Variants in CTNND2 observed in about 807,000 individuals in gnomAD.
CTNND2 encodes the protein catenin delta 2, also known as catenin delta-2.
CTNND2 carries 22 observed loss-of-function variants against 144.4 expected under a neutral mutation model. That is an observed-to-expected ratio of 0.15 (90% CI 0.11 to 0.22). CTNND2 has a LOEUF of 0.22. Among genes scored for constraint, CTNND2 ranks in the 10% least tolerant of loss-of-function variants. The pLI is 1.00. For synonymous variants in CTNND2, 751 were observed against 695.6 expected (o/e 1.08, Z -1.25); for missense variants, 1,353 against 1,618.8 (o/e 0.84, Z 2.82).
At chr5:11,247,490 G>A (rs1047755562) in intron 9 of CTNND2, among the ~76,000 whole-genome samples, 15 of 152,186 alleles carry the variant, frequency 9.9e-5, no homozygotes, top group African/African-American at 3.6e-4. Context: ...CAATTAGAAG[G>A]AACAATTTCA....
chr5:11,603,464 A>G (rs1042485919), intron 2 of CTNND2, among the ~76,000 whole-genome samples: 2 of 152,132 alleles, frequency 1.3e-5, no homozygotes, highest in African/African-American at 4.8e-5. Context: ...CTCTCAAAAC[A>G]TCTTGCCTGT....
intron 18 of CTNND2, among the ~76,000 whole-genome samples, chr5:10,994,383 A>C (rs1579980383): frequency 4.7e-5 from 1 of 21,276 alleles, no homozygotes; most frequent in Non-Finnish European, 9.2e-5. Flanking sequence ...GGGGCCGGGG[A>C]AAGAGGAGGG....
intron 1 of CTNND2, among the ~76,000 whole-genome samples, chr5:11,804,174 G>A (rs570161643): frequency 5.9e-5 from 9 of 152,166 alleles, no homozygotes; most frequent in Admixed American, 3.3e-4. Context: ...TATTAGAATG[G>A]CTAATATCTA....
chr5:11,665,188 T>C (rs955540677), intron 2 of CTNND2, among the ~76,000 whole-genome samples: 2 of 152,196 alleles, frequency 1.3e-5, no homozygotes, highest in African/African-American at 4.8e-5. Flanking sequence ...CAGAGCTTAA[T>C]AGAGAAATTG....
intron 21 of CTNND2, among the ~76,000 whole-genome samples, chr5:10,981,060 A>T (rs1737184957): frequency 6.6e-6 from 1 of 152,094 alleles, no homozygotes; most frequent in Non-Finnish European, 1.5e-5. Flanking sequence ...ATAAAATAAT[A>T]ATAATAATAA....
chr5:11,089,785 G>A (rs566940177), intron 15 of CTNND2, among the ~76,000 whole-genome samples: 1 of 152,278 alleles, frequency 6.6e-6, no homozygotes, highest in South Asian at 2.1e-4. Context: ...CAAGGAGGGC[G>A]GATCACTTGA....
At chr5:11,774,547 T>G (rs559649063) in intron 1 of CTNND2, among the ~76,000 whole-genome samples, 29 of 40,668 alleles carry the variant, frequency 7.1e-4, no homozygotes, top group African/African-American at 1.2e-3. Flanking sequence ...ACTTAAAGTA[T>G]AATAAAAAAA....
chr5:11,404,636 T>TTTTTTTTTTTTTTTTTTTTTTTTG (rs1760937159), intron 5 of CTNND2, among the ~76,000 whole-genome samples: 1 of 139,754 alleles, frequency 7.2e-6, no homozygotes. Flanking sequence ...TTTTTTTTTT[T>TTTTTTTTTTTTTTTTTTTTTTTTG]AGACAAAGTC....
chr5:11,082,817 T>A lies in CTNND2; in HGVS notation c.2667A>T (p.Arg889=). 6.2e-7 allele frequency: 1 copy of A among 1,614,172 alleles called. No individual in the cohort carries two copies. Among genetic ancestry groups the A allele is most frequent in the East Asian group, 2.2e-5 (1 of 44,878 alleles). ...CGAGGATGGGCAGGCCTTTCTCTTT[T>A]CGGACAGCGGCTCGGATATATACTG... ...KWSVYIRAAV[R]KEKGLPILVE... is the part of the protein sequence containing the mutation. Residue 889 remains arginine (R), a synonymous_variant, in exon 16 of 22, where the codon CGA becomes CGT. Coordinates refer to ENST00000304623, the MANE Select transcript of CTNND2 (RefSeq NM_001332.4).
chr5:11,548,133 T>C (rs1389048664), intron 3 of CTNND2, among the ~76,000 whole-genome samples: 1 of 151,964 alleles, frequency 6.6e-6, no homozygotes, highest in African/African-American at 2.4e-5. Context: ...AAAAGCAAGG[T>C]GTAAAGAACA....
chr5:11,726,452 C>T (rs1226179497), intron 2 of CTNND2, among the ~76,000 whole-genome samples: 2 of 152,034 alleles, frequency 1.3e-5, no homozygotes, highest in Non-Finnish European at 2.9e-5. Flanking sequence ...TTTGCAGCTA[C>T]CTCTGTTTGT....
At chr5:11,003,655 T>C (rs1580004463) in intron 18 of CTNND2, among the ~76,000 whole-genome samples, 1 of 152,254 alleles carries the variant, frequency 6.6e-6, no homozygotes, top group East Asian at 1.9e-4. Context: ...TCCTCTCTGC[T>C]GTAATAAAAC....
intron 9 of CTNND2, among the ~76,000 whole-genome samples, chr5:11,288,944 T>C (rs1580806123): frequency 6.6e-6 from 1 of 151,962 alleles, no homozygotes; most frequent in South Asian, 2.1e-4. Context: ...TCAAATGCTG[T>C]CAAATGTGGA....
chr5:11,343,565 T>C (rs549663649), intron 9 of CTNND2, among the ~76,000 whole-genome samples: 2 of 152,330 alleles, frequency 1.3e-5, no homozygotes, highest in Admixed American at 1.3e-4. Flanking sequence ...TTTTCTTTTT[T>C]GTAAAGAAAT....
intron 18 of CTNND2, among the ~76,000 whole-genome samples, chr5:10,996,537 A>G (rs1579987466): frequency 2.6e-5 from 4 of 152,232 alleles, no homozygotes; most frequent in African/African-American, 9.6e-5. Context: ...CTGTGTCCTC[A>G]GGGCCGACAG....
chr5:11,371,822 T>C (rs6874100), intron 7 of CTNND2, among the ~76,000 whole-genome samples: 1,587 of 152,280 alleles, frequency 0.01, 33 homozygotes, highest in African/African-American at 0.036. Context: ...AGACTTACGT[T>C]TGGAAGGAAC....
At chr5:11,269,798 T>G (rs563691231) in intron 9 of CTNND2, among the ~76,000 whole-genome samples, 1 of 152,232 alleles carries the variant, frequency 6.6e-6, no homozygotes, top group Admixed American at 6.5e-5. Context: ...CCTCAGAATA[T>G]GCAGGACATC....
At chr5:11,077,648 C>T (rs1431039989) in intron 16 of CTNND2, among the ~76,000 whole-genome samples, 3 of 152,084 alleles carry the variant, frequency 2.0e-5, no homozygotes, top group Non-Finnish European at 4.4e-5. Context: ...CGTGCTCTGA[C>T]TAAGGTTTCA....
At chr5:11,582,758 T>C (rs1027350756) in intron 2 of CTNND2, among the ~76,000 whole-genome samples, 3 of 152,206 alleles carry the variant, frequency 2.0e-5, no homozygotes, top group Admixed American at 2.0e-4. Context: ...GACAGCATCA[T>C]ATGGAGCCTG....
Sources: gnomAD v4.1 joint callset for allele counts (sites outside exome capture counted in the v4.1 genomes callset) on GRCh38, gnomAD v4.1.1 for gene constraint, MANE v1.5 for transcripts, NCBI Gene and HGNC (gene_info 2026-07-23, HGNC 2026-07-21) for gene names.